Variants in GALNT13 observed in about 807,000 individuals in gnomAD.
The protein encoded by GALNT13 is UDP-GalNAc:polypeptide N-acetylgalactosaminyltransferase 13.
GALNT13 carries 28 observed loss-of-function variants against 64.2 expected under a neutral mutation model. The ratio of observed to expected loss-of-function variants is 0.44; its 90% CI spans 0.32 to 0.60. GALNT13 has a LOEUF of 0.60. Among genes scored for constraint, GALNT13 ranks in the 20% least tolerant of loss-of-function variants. The pLI is 0.05. For synonymous variants in GALNT13, 214 were observed against 224.6 expected (o/e 0.95, Z 0.42); for missense variants, 577 against 669.8 (o/e 0.86, Z 1.53).
intron 2 of GALNT13, among the ~76,000 whole-genome samples, chr2:153,933,902 G>C (rs981394307): frequency 3.3e-5 from 5 of 152,070 alleles, no homozygotes; most frequent in African/African-American, 1.2e-4. Flanking sequence ...TTTTCTTTAA[G>C]AATACTGAAT....
chr2:154,242,548 G>C, intron 5 of GALNT13, 150 bp from the exon 6 acceptor site: 2 of 601,516 alleles, frequency 3.3e-6, no homozygotes, highest in Non-Finnish European at 2.9e-6. Context: ...ATTAACTAAT[G>C]AAATCTCTAT....
the GALNT13 span, among the ~76,000 whole-genome samples, chr2:153,189,812 A>G: frequency 6.0e-3 from 917 of 152,276 alleles, 7 homozygotes; most frequent in African/African-American, 0.02. Context: ...ATGAGATAAT[A>G]TCTCACTGTG....
At chr2:153,212,833 A>G in the GALNT13 span, among the ~76,000 whole-genome samples, 2 of 152,116 alleles carry the variant, frequency 1.3e-5, no homozygotes, top group East Asian at 3.8e-4. Context: ...TTAGATAGAA[A>G]TTACTCTTTG....
chr2:153,813,409 C>T, the GALNT13 span, among the ~76,000 whole-genome samples: 1 of 152,110 alleles, frequency 6.6e-6, no homozygotes, highest in African/African-American at 2.4e-5. Flanking sequence ...CCTTAATTTT[C>T]CTAAGTCTTG....
At chr2:154,189,464 G>A (rs1308695502) in intron 4 of GALNT13, among the ~76,000 whole-genome samples, 3 of 120,564 alleles carry the variant, frequency 2.5e-5, no homozygotes, top group African/African-American at 6.8e-5. Context: ...CTCTTCTCAC[G>A]TGCACACCAA....
At chr2:153,879,357 C>CGTGTGTGTGT (rs4034904) in intron 1 of GALNT13, among the ~76,000 whole-genome samples, 1 of 148,446 alleles carries the variant, frequency 6.7e-6, no homozygotes, top group South Asian at 2.1e-4. Flanking sequence ...AAACTACCTA[C>CGTGTGTGTGT]GTGTGTGTGT....
rs1233208163 is a variant in GALNT13 at position 154,452,629 on chromosome 2, G to A, written c.*2078G>A. The A allele has an allele frequency of 6.6e-6, 1 of 152,124 alleles. No homozygotes were observed. Among genetic ancestry groups the A allele is most frequent in the South Asian group, 2.1e-4 (1 of 4,822 alleles). 9.4% of individuals were successfully genotyped at this position (152,124 alleles called of 1,614,324 possible). ...AACGTTTTAGCAGAATTTTAAATATGTGAAAGTTCATTGTGGTCATGGTGA... is the reference window on the plus strand; with the variant it reads ...AACGTTTTAGCAGAATTTTAAATATATGAAAGTTCATTGTGGTCATGGTGA... On this transcript the variant is annotated 3_prime_UTR_variant, in exon 13 of 13. Transcript: ENST00000392825.
the GALNT13 span, among the ~76,000 whole-genome samples, chr2:153,769,976 G>A: frequency 6.6e-6 from 1 of 152,024 alleles, no homozygotes; most frequent in South Asian, 2.1e-4. Flanking sequence ...AATTGCTATT[G>A]TGATCTATTT....
At chr2:154,288,588 A>C (rs1457475110) in intron 8 of GALNT13, among the ~76,000 whole-genome samples, 4 of 152,178 alleles carry the variant, frequency 2.6e-5, no homozygotes, top group African/African-American at 9.6e-5. Context: ...TCATTCAGAA[A>C]ATACGGCTGT....
the GALNT13 span, among the ~76,000 whole-genome samples, chr2:153,791,559 C>T: frequency 2.6e-5 from 4 of 152,144 alleles, no homozygotes; most frequent in South Asian, 8.3e-4. Context: ...TTCCATCCAG[C>T]AATCCTATTG....
the GALNT13 span, among the ~76,000 whole-genome samples, chr2:153,594,990 A>G: frequency 1.6e-4 from 24 of 152,138 alleles, no homozygotes; most frequent in Non-Finnish European, 2.8e-4. Context: ...GTGAAAGAAT[A>G]CTAAAATTCA....
At chr2:153,521,572 G>A in the GALNT13 span, among the ~76,000 whole-genome samples, 1 of 152,034 alleles carries the variant, frequency 6.6e-6, no homozygotes, top group African/African-American at 2.4e-5. Context: ...GTTTACATCA[G>A]GCTACATTCT....
At chr2:153,332,748 T>C in the GALNT13 span, among the ~76,000 whole-genome samples, 1 of 152,026 alleles carries the variant, frequency 6.6e-6, no homozygotes, top group South Asian at 2.1e-4. Flanking sequence ...ATGATCTATA[T>C]CCAGTAAGAG....
intron 3 of GALNT13, among the ~76,000 whole-genome samples, chr2:154,131,748 T>C (rs1682631160): frequency 1.3e-5 from 2 of 152,226 alleles, no homozygotes; most frequent in East Asian, 1.9e-4. Flanking sequence ...TAAGGAATAT[T>C]GATTCACGTG....
the GALNT13 span, among the ~76,000 whole-genome samples, chr2:153,800,083 T>TCTCTCTCTCTCTCTCTCC: frequency 7.6e-6 from 1 of 132,360 alleles, no homozygotes; most frequent in Non-Finnish European, 1.7e-5. Flanking sequence ...TCTCTCTCTC[T>TCTCTCTCTCTCTCTCTCC]CCACCCCCCA....
Position 154,245,986 on chromosome 2 carries a change from TG to T in GALNT13, c.857+5del. 1 of 1,604,802 alleles carries T rather than the reference TG, an allele frequency of 6.2e-7. No homozygotes were observed. Among genetic ancestry groups the T allele is most frequent in the Non-Finnish European group, 8.5e-7 (1 of 1,172,228 alleles). The stretch of plus-strand genomic sequence containing the variant: ...GAGACAGAACATTACCTGTCAGGTA[TG>T]TAGATCATATCTCTTGAAGATTATG... On this transcript the variant is annotated splice_donor_5th_base_variant and intron_variant, in intron 7 of 12. Coordinates refer to ENST00000392825, the MANE Select transcript of GALNT13 (RefSeq NM_052917.4).
chr2:153,982,663 C>T (rs758186540), intron 3 of GALNT13, among the ~76,000 whole-genome samples: 1 of 151,956 alleles, frequency 6.6e-6, no homozygotes, highest in Non-Finnish European at 1.5e-5. Context: ...CTGTCTGTTT[C>T]CTTTAACAAG....
intron 3 of GALNT13, among the ~76,000 whole-genome samples, chr2:154,016,095 A>T (rs1434113962): frequency 6.6e-6 from 1 of 152,206 alleles, no homozygotes; most frequent in African/African-American, 2.4e-5. Context: ...TATCTGACAG[A>T]CTAGCAAGCA....
intron 4 of GALNT13, among the ~76,000 whole-genome samples, chr2:154,223,424 T>C (rs1023734163): frequency 6.6e-6 from 1 of 150,498 alleles, no homozygotes; most frequent in African/African-American, 2.4e-5. Flanking sequence ...TTGAAATTTA[T>C]TATTTATTTT....
Sources: gnomAD v4.1 joint callset for allele counts (sites outside exome capture counted in the v4.1 genomes callset) on GRCh38, gnomAD v4.1.1 for gene constraint, MANE v1.5 for transcripts, NCBI Gene and HGNC (gene_info 2026-07-23, HGNC 2026-07-21) for gene names.